Variants in GGH observed in about 807,000 individuals in gnomAD.
The protein encoded by GGH is gamma-Glu-X carboxypeptidase.
GGH carries 18 observed loss-of-function variants against 39.2 expected under a neutral mutation model. That is an observed-to-expected ratio of 0.46 (90% confidence interval 0.32 to 0.68). The LOEUF (loss-of-function observed/expected upper bound fraction) is 0.68, where lower values mean the gene tolerates loss of function less well. Among genes scored for constraint, GGH ranks in the 30% least tolerant of loss-of-function variants. The pLI, the probability that GGH is intolerant of heterozygous loss-of-function variation, is 0.04. For missense variants in GGH, 367 were observed against 384.1 expected, an observed-to-expected ratio of 0.96 and a Z score of 0.37; for synonymous variants, 147 against 138.8, an observed-to-expected ratio of 1.06 and a Z score of -0.42.
At chr8:63,027,488 A>C (rs928163894) in intron 3 of GGH, among the ~76,000 whole-genome samples, 1 of 152,234 alleles carries the variant, frequency 6.6e-6, no homozygotes, top group African/African-American at 2.4e-5. Flanking sequence ...ATTTTCCAAA[A>C]ACTTCTTCAA....
chr8:63,035,006 T>C (rs1804875476), intron 2 of GGH, among the ~76,000 whole-genome samples: 1 of 152,144 alleles, frequency 6.6e-6, no homozygotes, highest in Non-Finnish European at 1.5e-5. Context: ...GTACCCAATA[T>C]GTAATTTTTT....
At chr8:63,016,303 T>C (rs1433618320) in intron 8 of GGH, among the ~76,000 whole-genome samples, 1 of 152,184 alleles carries the variant, frequency 6.6e-6, no homozygotes, top group African/African-American at 2.4e-5. Context: ...TTTGGACTAA[T>C]ACTGTATATG....
chr8:63,021,668 C>CTTTTTT, intron 7 of GGH, among the ~76,000 whole-genome samples: 1 of 115,556 alleles, frequency 8.7e-6, no homozygotes, highest in African/African-American at 3.3e-5. Flanking sequence ...AATCTCATAT[C>CTTTTTT]CTTTTTTTTT....
At position 63,023,953 on chromosome 8, in the gene GGH, T is replaced by G. The variant is rs1451222809; in HGVS notation, c.651A>C (p.Leu217Phe). Residue 217 changes from leucine to phenylalanine, a missense_variant, in exon 7 of 9, where the codon TTA (leucine) becomes TTC (phenylalanine). By Grantham distance (22) the Leu-to-Phe change is conservative. Coordinates refer to ENST00000260118, the MANE Select transcript of GGH (RefSeq NM_003878.3). Reference sequence around the variant, plus strand: ...CAATCTTGCCATCTGTATTTGTAGTTAAGACATTGAAAAACTTCTTTAACT... The same window carrying G: ...CAATCTTGCCATCTGTATTTGTAGTGAAGACATTGAAAAACTTCTTTAACT... ...NEKLKKFFNV[L>F]TTNTDGKIEF... 2 of 1,596,382 alleles carry G rather than the reference T, an allele frequency of 1.3e-6. No individual in the cohort carries two copies. The highest frequency in any genetic ancestry group is 3.4e-5 in the Admixed American group (2 of 59,022).
At chr8:63,036,951 C>T (rs1419023114) in intron 1 of GGH, among the ~76,000 whole-genome samples, 1 of 152,144 alleles carries the variant, frequency 6.6e-6, no homozygotes, top group Non-Finnish European at 1.5e-5. Context: ...TCTCTCTGGC[C>T]TCCTTTTACC....
intron 2 of GGH, among the ~76,000 whole-genome samples, chr8:63,035,369 G>C (rs948235971): frequency 2.6e-5 from 4 of 152,084 alleles, no homozygotes; most frequent in Non-Finnish European, 4.4e-5. Flanking sequence ...GCAGTGGTGC[G>C]ATCTCAACTC....
intron 1 of GGH, among the ~76,000 whole-genome samples, chr8:63,037,914 A>G (rs1369153465): frequency 6.6e-6 from 1 of 152,200 alleles, no homozygotes; most frequent in Non-Finnish European, 1.5e-5. Flanking sequence ...GATAATATTC[A>G]TAGAAAAAAA....
At chr8:63,016,719 G>T (rs1003621478) in intron 8 of GGH, among the ~76,000 whole-genome samples, 1 of 152,162 alleles carries the variant, frequency 6.6e-6, no homozygotes, top group African/African-American at 2.4e-5. Context: ...TGCTTAAATC[G>T]TAGGACTTAC....
At chr8:63,026,341 C>T (rs1377717275) in intron 4 of GGH, 45 bp from the exon 5 acceptor site, 5 of 1,508,756 alleles carry the variant, frequency 3.3e-6, no homozygotes, top group Non-Finnish European at 4.5e-6. Flanking sequence ...TCAAACTTTT[C>T]AAAATAAAAA....
In GGH at chr8:63,020,493, T is replaced by G. The variant is rs1342294601; in HGVS notation, c.698-2863A>C. ...GGATGACAGAACAAGAGCAAATACA[T>G]GCATTAAGAAACGTTCCCACACAGC... On this transcript the variant is annotated intron_variant, in intron 7 of 8. Coordinates refer to ENST00000260118, the MANE Select transcript of GGH (RefSeq NM_003878.3). Among the ~76,000 whole-genome samples the G allele has an allele frequency of 4.6e-5, 7 of 152,090 alleles. No individual in the cohort carries two copies. In the East Asian group the frequency reaches 1.3e-3, roughly 29 times the overall value.
intron 2 of GGH, among the ~76,000 whole-genome samples, chr8:63,030,959 A>G (rs945210361): frequency 6.6e-6 from 1 of 152,238 alleles, no homozygotes; most frequent in Non-Finnish European, 1.5e-5. Flanking sequence ...TGCTCTCCCG[A>G]AAGTTCAATA....
chr8:63,023,986 C>T lies in GGH; in HGVS notation c.618G>A (p.Met206Ile), dbSNP rs201427089. 137 of 1,582,790 alleles carry T rather than the reference C, an allele frequency of 8.7e-5. No individual in the cohort carries two copies. Among genetic ancestry groups the T allele is most frequent in the Non-Finnish European group, 1.1e-4 (130 of 1,159,242 alleles). The change falls in exon 7 of 9, where the codon ATG becomes ATA. Residue 206 changes from methionine (M) to isoleucine (I), a missense_variant. By Grantham distance (10) the Met-to-Ile change is conservative. Transcript: ENST00000260118. ...KWSLSVKNFT[M>I]NEKLKKFFNV... is the part of the protein sequence containing the mutation. ...TGAAAAACTTCTTTAACTTTTCATT[C>T]ATTGTAAAATTCTAGAATACGAAAA...
At position 63,024,007 on chromosome 8, in the gene GGH, G is replaced by A. The variant is rs368410745; in HGVS notation, c.607-10C>T. On this transcript the variant is annotated splice_polypyrimidine_tract_variant and intron_variant, in intron 6 of 8. Coordinates refer to ENST00000260118, the MANE Select transcript of GGH (RefSeq NM_003878.3). ...CATTCATTGTAAAATTCTAGAATAC[G>A]AAAATAAAACAAAATGATTACTTCT... 251 of 1,569,030 alleles carry A rather than the reference G, an allele frequency of 1.6e-4. No homozygotes were observed. Among genetic ancestry groups the A allele is most frequent in the Non-Finnish European group, 2.0e-4 (226 of 1,146,832 alleles).
intron 2 of GGH, among the ~76,000 whole-genome samples, chr8:63,032,572 T>A (rs1048467613): frequency 6.6e-6 from 1 of 152,174 alleles, no homozygotes; most frequent in Non-Finnish European, 1.5e-5. Flanking sequence ...TTCCCAGGTC[T>A]CCCATCTCTT....
At chr8:63,026,042 TCC>T in intron 5 of GGH, 114 bp downstream of exon 5, 1 of 786,262 alleles carries the variant, frequency 1.3e-6, no homozygotes, top group Middle Eastern at 2.4e-4. Flanking sequence ...AAGCATTTTT[TCC>T]TTCAGGGAAA....
In GGH at chr8:63,038,736, C is replaced by A. The variant is rs1247615893; in HGVS notation, c.33G>T (p.Leu11=). The part of the protein sequence containing the change: MASPGCLLCV[L]GLLLCGAASL... ...TCGCCGCCCCGCAGAGTAGCAGGCC[C>A]AGCACGCACAGCAGGCAGCCCGGAC... The change falls in exon 1 of 9, where the codon CTG becomes CTT. Residue 11 remains leucine, a synonymous_variant. Transcript: ENST00000260118. 6.3e-7 allele frequency: 1 copy of A among 1,580,624 alleles called. No individual in the cohort carries two copies. The highest frequency in any genetic ancestry group is 2.3e-5 in the East Asian group (1 of 42,982).
Position 63,015,160 on chromosome 8 carries a change from C to A in GGH, c.*172G>T, listed in dbSNP as rs1207932941. The stretch of plus-strand genomic sequence containing the variant: ...TGAAAAACACTCTATTTATGTCTCA[C>A]TATTTAATTATCTAATGTTATATAA... On this transcript the variant is annotated 3_prime_UTR_variant, in exon 9 of 9. Coordinates refer to ENST00000260118, the MANE Select transcript of GGH (RefSeq NM_003878.3). 7 of 393,048 alleles carry A rather than the reference C, an allele frequency of 1.8e-5. No individual in the cohort carries two copies. Among genetic ancestry groups the A allele is most frequent in the Non-Finnish European group, 2.7e-5 (6 of 223,016 alleles). The allele number at this position is 393,048 out of a possible 1,614,324, so 24.3% of individuals were successfully genotyped here. A position where few individuals can be genotyped will look rare whatever the true frequency, so the allele number is the denominator to read the frequency against.
At chr8:63,027,825 T>TA (rs1483255024) in intron 3 of GGH, among the ~76,000 whole-genome samples, 1 of 152,104 alleles carries the variant, frequency 6.6e-6, no homozygotes, top group East Asian at 1.9e-4. Flanking sequence ...GAAACATAAT[T>TA]ACGATTCTAG....
At chr8:63,034,042 A>G (rs1303784692) in intron 2 of GGH, among the ~76,000 whole-genome samples, 1 of 146,358 alleles carries the variant, frequency 6.8e-6, no homozygotes, top group Non-Finnish European at 1.5e-5. Context: ...AAAAATATAT[A>G]TATATTTTTA....
Sources: gnomAD v4.1 joint callset for allele counts (sites outside exome capture counted in the v4.1 genomes callset) on GRCh38, gnomAD v4.1.1 for gene constraint, MANE v1.5 for transcripts, NCBI Gene and HGNC (gene_info 2026-07-23, HGNC 2026-07-21) for gene names.